The following FAM13A variants were observed in gnomAD, a reference collection of about 807,000 sequenced individuals.
FAM13A encodes the protein family with sequence similarity 13 member A.
Under a neutral mutation model 129.6 loss-of-function variants are expected in FAM13A, and 76 were observed. The observed-to-expected ratio is 0.59, with a 90% CI of 0.49 to 0.71. FAM13A has a LOEUF of 0.71. Among genes scored for constraint, FAM13A ranks in the 30% least tolerant of loss-of-function variants. The pLI, the probability that FAM13A is intolerant of heterozygous loss-of-function variation, is 0.00. For synonymous variants in FAM13A, 443 were observed against 449.9 expected (o/e 0.98, Z 0.20); for missense variants, 1,108 against 1,249.3 (o/e 0.89, Z 1.70).
chr4:88,954,993 T>C (rs1310944695), intron 4 of FAM13A, among the ~76,000 whole-genome samples: 2 of 152,140 alleles, frequency 1.3e-5, no homozygotes, highest in Non-Finnish European at 2.9e-5. Context: ...GTCTTGATTC[T>C]AATCCCATCA....
chr4:88,962,643 A>C (rs1361769353), intron 4 of FAM13A, among the ~76,000 whole-genome samples: 1 of 152,164 alleles, frequency 6.6e-6, no homozygotes, highest in Non-Finnish European at 1.5e-5. Flanking sequence ...GTGTCAACTC[A>C]AAGAGTCATC....
chr4:88,926,599 A>G (rs1482285466), intron 5 of FAM13A, among the ~76,000 whole-genome samples: 1 of 152,206 alleles, frequency 6.6e-6, no homozygotes, highest in Non-Finnish European at 1.5e-5. Context: ...TGTTACATCT[A>G]ATGATTCATG....
At chr4:88,989,817 T>C (rs1762726870) in intron 4 of FAM13A, 1 of 152,224 alleles carries the variant, frequency 6.6e-6, no homozygotes, top group Non-Finnish European at 1.5e-5. Flanking sequence ...GCTTACTAAA[T>C]AAGCATTCTA....
chr4:88,737,752 C>T (rs1455276712), intron 20 of FAM13A, 197 bp from the exon 21 acceptor site: 2 of 591,862 alleles, frequency 3.4e-6, no homozygotes, highest in East Asian at 3.0e-5. Flanking sequence ...AGCGCCCACA[C>T]ACATAAATCA....
intron 23 of FAM13A, among the ~76,000 whole-genome samples, chr4:88,730,680 C>A (rs768828900): frequency 6.6e-6 from 1 of 152,220 alleles, no homozygotes; most frequent in African/African-American, 2.4e-5. Context: ...GCGTGAGCCA[C>A]CACGCCTGGC....
intron 3 of FAM13A, among the ~76,000 whole-genome samples, chr4:89,003,139 G>T (rs144221074): frequency 1.7e-3 from 266 of 152,174 alleles, no homozygotes; most frequent in African/African-American, 6.1e-3. Context: ...AAACACTGGT[G>T]AGGGAAAATT....
At chr4:88,945,990 G>GTGTATGTATATATATA in intron 4 of FAM13A, among the ~76,000 whole-genome samples, 1 of 61,966 alleles carries the variant, frequency 1.6e-5, no homozygotes, top group African/African-American at 8.6e-5. Context: ...GTGTGTGTGT[G>GTGTATGTATATATATA]TATATATATA....
chr4:89,032,750 G>A (rs1340405133), intron 1 of FAM13A, among the ~76,000 whole-genome samples: 1 of 152,170 alleles, frequency 6.6e-6, no homozygotes, highest in Non-Finnish European at 1.5e-5. Flanking sequence ...AATCCAGACT[G>A]TGTTTTGAGG....
intron 1 of FAM13A, among the ~76,000 whole-genome samples, chr4:89,050,651 G>T (rs890467983): frequency 6.6e-6 from 1 of 152,064 alleles, no homozygotes; most frequent in Non-Finnish European, 1.5e-5. Context: ...ACTAAAGCCA[G>T]GTATGGTGGC....
intron 3 of FAM13A, among the ~76,000 whole-genome samples, chr4:89,004,618 G>A (rs1243743874): frequency 6.6e-6 from 1 of 151,894 alleles, no homozygotes; most frequent in East Asian, 1.9e-4. Context: ...TAACTCTTTT[G>A]TAAATATTCG....
Position 88,929,054 on chromosome 4 carries a change from G to T in FAM13A, c.759+9034C>A, listed in dbSNP as rs367995629. ...TCATTTCCATTTTTAAGACGCCTTT[G>T]GCCATTTCCTGTAGGGCCAGTCTAG... On this transcript the variant is annotated intron_variant, in intron 5 of 23. Transcript: ENST00000264344. Among the ~76,000 whole-genome samples the T allele has an allele frequency of 2.0e-5, 3 of 152,176 alleles. No individual in the cohort carries two copies. The East Asian group carries it at 5.8e-4, about 29-fold the overall frequency.
intron 14 of FAM13A, 68 bp from the exon 15 acceptor site, chr4:88,750,705 A>G: frequency 8.4e-7 from 1 of 1,188,206 alleles, no homozygotes; most frequent in Non-Finnish European, 1.2e-6. Context: ...TTAAAACACA[A>G]GTGTTTCCCA....
intron 13 of FAM13A, among the ~76,000 whole-genome samples, chr4:88,763,172 C>CT (rs1745113222): frequency 6.6e-6 from 1 of 152,094 alleles, no homozygotes; most frequent in South Asian, 2.1e-4. Flanking sequence ...AGGAACAAGA[C>CT]TTTGTAAGGT....
intron 5 of FAM13A, among the ~76,000 whole-genome samples, chr4:88,920,778 A>C (rs1490925732): frequency 6.6e-6 from 1 of 152,188 alleles, no homozygotes; most frequent in African/African-American, 2.4e-5. Flanking sequence ...ATTCAAACCA[A>C]AGGCAAAGAA....
intron 1 of FAM13A, among the ~76,000 whole-genome samples, chr4:89,050,916 A>G (rs1771509806): frequency 6.6e-6 from 1 of 152,128 alleles, no homozygotes; most frequent in African/African-American, 2.4e-5. Context: ...CAACAGAGCA[A>G]GACTTCTATC....
chr4:89,046,481 T>C (rs1770875256), intron 1 of FAM13A, among the ~76,000 whole-genome samples: 1 of 152,172 alleles, frequency 6.6e-6, no homozygotes, highest in African/African-American at 2.4e-5. Flanking sequence ...GTGAAATTCC[T>C]AGTAATCGAA....
chr4:88,846,601 C>T (rs1371314497), intron 7 of FAM13A, among the ~76,000 whole-genome samples: 1 of 152,220 alleles, frequency 6.6e-6, no homozygotes, highest in Admixed American at 6.5e-5. Context: ...ATTTCGTAAT[C>T]AAGTGACATT....
intron 6 of FAM13A, among the ~76,000 whole-genome samples, chr4:88,860,713 T>C (rs1018855495): frequency 2.0e-5 from 3 of 152,238 alleles, no homozygotes; most frequent in Non-Finnish European, 4.4e-5. Flanking sequence ...CCAAGCTTTC[T>C]TTTAATGTAG....
intron 4 of FAM13A, among the ~76,000 whole-genome samples, chr4:88,977,273 C>T (rs1239592238): frequency 6.6e-6 from 1 of 152,092 alleles, no homozygotes; most frequent in Non-Finnish European, 1.5e-5. Context: ...CATCTAATAA[C>T]CAAGATGCCT....
Sources: gnomAD v4.1 joint callset for allele counts (sites outside exome capture counted in the v4.1 genomes callset) on GRCh38, gnomAD v4.1.1 for gene constraint, MANE v1.5 for transcripts, NCBI Gene and HGNC (gene_info 2026-07-23, HGNC 2026-07-21) for gene names.